Variants in WBP4 observed in about 807,000 individuals in gnomAD.
The protein encoded by WBP4 is WW domain-binding protein 4.
A neutral mutation model predicts 55.4 loss-of-function variants in WBP4; 37 were observed. That is an observed-to-expected ratio of 0.67 (90% CI 0.51 to 0.88). The LOEUF (loss-of-function observed/expected upper bound fraction) is 0.88, where lower values mean the gene tolerates loss of function less well. Ranked by LOEUF, WBP4 falls within the 40% of genes least tolerant of loss-of-function variation. The probability of loss-of-function intolerance (pLI) is 0.00; values close to 1 mark genes in which losing one functional copy is unlikely to be tolerated. For missense variants in WBP4, 398 were observed against 420.8 expected, an observed-to-expected ratio of 0.95 and a Z score of 0.47; for synonymous variants, 142 against 140.2, an observed-to-expected ratio of 1.01 and a Z score of -0.09.
chr13:41,075,951 C>A, intron 7 of WBP4, 93 bp from the exon 8 acceptor site: 1 of 1,302,348 alleles, frequency 7.7e-7, no homozygotes, highest in African/African-American at 1.5e-5. Flanking sequence ...ACAGTATTGT[C>A]ATTTAATAAT....
Position 41,062,596 on chromosome 13 carries a change from CTTTT to C in WBP4, c.3-45_3-42del, listed in dbSNP as rs755060358. 51 of 1,557,360 alleles carry C rather than the reference CTTTT, an allele frequency of 3.3e-5. No individual in the cohort carries two copies. In the African/African-American group the frequency reaches 5.9e-4, roughly 18 times the overall value. ...AACTGTAAAGCATGCAGAATTTAAC[CTTTT>C]TTAAGTTTTACATGAGCTTAGCCTT... On this transcript the variant is annotated intron_variant, in intron 1 of 9. Transcript: ENST00000379487.
intron 8 of WBP4, among the ~76,000 whole-genome samples, chr13:41,079,050 A>G (rs191935951): frequency 6.6e-6 from 1 of 152,350 alleles, no homozygotes; most frequent in East Asian, 1.9e-4. Context: ...AACTGTTTGC[A>G]AACTATGCAT....
At chr13:41,069,893 GAAAA>G (rs79238311) in intron 5 of WBP4, among the ~76,000 whole-genome samples, 5 of 138,260 alleles carry the variant, frequency 3.6e-5, no homozygotes, top group African/African-American at 1.3e-4. Context: ...AAAAAAAAAA[GAAAA>G]AAAAAATACA....
intron 8 of WBP4, 67 bp downstream of exon 8, chr13:41,076,304 G>T (rs1328247613): frequency 3.5e-6 from 4 of 1,146,208 alleles, no homozygotes; most frequent in Non-Finnish European, 4.6e-6. Context: ...TTTTGAGATG[G>T]AGTCTTGTTC....
intron 2 of WBP4, among the ~76,000 whole-genome samples, chr13:41,064,748 G>T (rs1015709654): frequency 4.0e-5 from 6 of 151,860 alleles, no homozygotes; most frequent in Non-Finnish European, 7.4e-5. Context: ...AGTCATCAAG[G>T]GTACCTTGTA....
chr13:41,079,567 A>T (rs1315771704), intron 8 of WBP4, among the ~76,000 whole-genome samples: 1 of 151,688 alleles, frequency 6.6e-6, no homozygotes, highest in African/African-American at 2.4e-5. Flanking sequence ...AAAAAATCAG[A>T]AAACAACAGA....
At chr13:41,066,991 T>C (rs1180257199) in intron 4 of WBP4, among the ~76,000 whole-genome samples, 1 of 152,226 alleles carries the variant, frequency 6.6e-6, no homozygotes, top group East Asian at 1.9e-4. Flanking sequence ...CCATAAAAAC[T>C]ATTTTTCTCT....
intron 2 of WBP4, 133 bp from the exon 3 acceptor site, chr13:41,064,878 CATTAA>C (rs1566208054): frequency 3.8e-6 from 3 of 796,934 alleles, no homozygotes; most frequent in Middle Eastern, 3.8e-4. Flanking sequence ...GGCCAATTTG[CATTAA>C]ATTAATGTTT....
In WBP4 at chr13:41,065,022, G is replaced by T; in HGVS notation, c.82G>T (p.Glu28Ter). 2 of 1,580,812 alleles carry T rather than the reference G, an allele frequency of 1.3e-6. No homozygotes were observed. Among genetic ancestry groups the T allele is most frequent in the South Asian group, 2.4e-5 (2 of 83,496 alleles). Residue 28 changes from glutamate to a stop codon, truncating the protein, a stop_gained, in exon 3 of 10, where the codon GAA (glutamate) becomes TAA (stop). Transcript: ENST00000379487. LOFTEE classifies it high-confidence loss of function. ...CWIADNRPSV[E>*]FHERGKNHKE... ...TTCTCTTTTCATTTTCAAGAGTGTT[G>T]AATTTCATGAAAGAGGAAAGAATCA... is the stretch of plus-strand genomic sequence containing the variant.
At chr13:41,080,444 T>G (rs1374750381) in intron 8 of WBP4, among the ~76,000 whole-genome samples, 1 of 152,162 alleles carries the variant, frequency 6.6e-6, no homozygotes, top group African/African-American at 2.4e-5. Flanking sequence ...TAGGGAGCCT[T>G]TGTCATGGTA....
chr13:41,064,682 A>G (rs796756680), intron 2 of WBP4, among the ~76,000 whole-genome samples: 4 of 152,204 alleles, frequency 2.6e-5, no homozygotes, highest in African/African-American at 9.6e-5. Flanking sequence ...TTTTTTCCCC[A>G]GTCTTTTGGC....
chr13:41,073,588 G>T (rs1485408322), intron 7 of WBP4, among the ~76,000 whole-genome samples: 6 of 151,872 alleles, frequency 4.0e-5, no homozygotes, highest in African/African-American at 1.2e-4. Context: ...GCCAAGGCGG[G>T]CAGATCATCT....
chr13:41,071,497 T>A (rs561579440), intron 5 of WBP4, 30 bp from the exon 6 acceptor site: 19 of 1,579,488 alleles, frequency 1.2e-5, no homozygotes, highest in Non-Finnish European at 1.5e-5. Flanking sequence ...AGCAAAAAGA[T>A]TTTATAAATG....
intron 9 of WBP4, among the ~76,000 whole-genome samples, chr13:41,081,366 G>A (rs1878769132): frequency 6.6e-6 from 1 of 151,558 alleles, no homozygotes; most frequent in African/African-American, 2.4e-5. Flanking sequence ...GGGAATAGTG[G>A]CACACATCAT....
At chr13:41,067,928 G>C (rs1878045960) in intron 4 of WBP4, among the ~76,000 whole-genome samples, 1 of 151,786 alleles carries the variant, frequency 6.6e-6, no homozygotes, top group African/African-American at 2.4e-5. Flanking sequence ...CTTTGACCTA[G>C]TATTTAATAA....
At chr13:41,082,326 G>A (rs750497694) in intron 9 of WBP4, among the ~76,000 whole-genome samples, 8 of 151,968 alleles carry the variant, frequency 5.3e-5, no homozygotes, top group Admixed American at 6.6e-5. Context: ...TTACCCAGGC[G>A]CATCTCGAAA....
rs554012193 is a variant in WBP4, at chr13:41,079,151, T to C, written c.757-1495T>C. 3.9e-5 allele frequency among the ~76,000 whole-genome samples: 6 copies of C among 152,274 alleles called. 1 individual carries two copies. The highest frequency in any genetic ancestry group is 3.9e-4 in the Admixed American group (6 of 15,282). ...AGGGGGAAAAGGACATGAACAGGCA[T>C]TTTTCAAAAGACACACAGGTGGCCA... is the stretch of plus-strand genomic sequence containing the variant. On this transcript the variant is annotated intron_variant, in intron 8 of 9. Transcript: ENST00000379487.
intron 9 of WBP4, among the ~76,000 whole-genome samples, chr13:41,081,660 G>A (rs1878785090): frequency 6.6e-6 from 1 of 151,992 alleles, no homozygotes; most frequent in Admixed American, 6.6e-5. Flanking sequence ...GAAGGTCCTT[G>A]CTGGCCAGGC....
chr13:41,071,406 T>A, intron 5 of WBP4, 121 bp from the exon 6 acceptor site: 2 of 726,966 alleles, frequency 2.8e-6, no homozygotes, highest in Middle Eastern at 3.8e-4. Flanking sequence ...TTTTCAAATA[T>A]GTTTTAAATT....
Sources: gnomAD v4.1 joint callset for allele counts (sites outside exome capture counted in the v4.1 genomes callset) on GRCh38, gnomAD v4.1.1 for gene constraint, MANE v1.5 for transcripts, NCBI Gene and HGNC (gene_info 2026-07-23, HGNC 2026-07-21) for gene names.